Variants in PROSER2 observed in about 807,000 individuals in gnomAD.
PROSER2 encodes proline and serine rich 2.
PROSER2 carries 18 observed loss-of-function variants against 14.6 expected under a neutral mutation model. The observed-to-expected ratio is 1.23, with a 90% CI of 0.85 to 1.83. The LOEUF is 1.83. PROSER2 is among the 40% of genes most tolerant of loss of function. PROSER2 has a pLI of 0.00. For synonymous variants in PROSER2, 367 were observed against 286.4 expected (o/e 1.28, Z -2.84); for missense variants, 823 against 629.8 (o/e 1.31, Z -3.28).
intron 1 of PROSER2, among the ~76,000 whole-genome samples, chr10:11,848,796 C>G (rs1445513129): frequency 3.9e-5 from 6 of 152,220 alleles, no homozygotes. Flanking sequence ...TGCGCACTTG[C>G]CATTTTTCAA....
At chr10:11,849,255 T>TCCTGGACTC (rs1160387254) in intron 1 of PROSER2, among the ~76,000 whole-genome samples, 1 of 152,186 alleles carries the variant, frequency 6.6e-6, no homozygotes, top group African/African-American at 2.4e-5. Context: ...TGGTGGGCCC[T>TCCTGGACTC]CCTGGACTCC....
intron 1 of PROSER2, chr10:11,849,807 T>TG (rs1833985259): frequency 6.6e-6 from 1 of 152,342 alleles, no homozygotes; most frequent in Non-Finnish European, 1.5e-5. Context: ...GCTCATGTGT[T>TG]GGACACTTAA....
chr10:11,872,016 A>G lies in PROSER2; in HGVS notation c.*1610A>G, dbSNP rs560550811. 2 of 152,342 alleles carry G rather than the reference A, an allele frequency of 1.3e-5. No homozygotes were observed. Among genetic ancestry groups the G allele is most frequent in the Admixed American group, 1.3e-4 (2 of 15,306 alleles). 9.4% of individuals were successfully genotyped at this position (152,342 alleles called of 1,614,324 possible). A position where few individuals can be genotyped will look rare whatever the true frequency, so the allele number is the denominator to read the frequency against. On this transcript the variant is annotated 3_prime_UTR_variant, in exon 4 of 4. Coordinates refer to ENST00000277570, the MANE Select transcript of PROSER2 (RefSeq NM_153256.4). ...ACAGCTTTCAAAAGTAGTTACTGTA[A>G]ATTTTACTCCTGTTAATGCTGGATT...
At chr10:11,851,378 A>T (rs577495091) in intron 1 of PROSER2, 1 of 152,226 alleles carries the variant, frequency 6.6e-6, no homozygotes, top group African/African-American at 2.4e-5. Context: ...TTGCAATAGC[A>T]TGAGGCTTCC....
rs1333841226 is a variant in PROSER2 at position 11,870,056 on chromosome 10, C to T, written c.958C>T (p.Arg320Trp). 6 of 1,241,714 alleles carry T rather than the reference C, an allele frequency of 4.8e-6. No individual in the cohort carries two copies. The highest frequency in any genetic ancestry group is 1.6e-5 in the African/African-American group (1 of 63,106). 76.9% of individuals were successfully genotyped at this position (1,241,714 alleles called of 1,614,324 possible). Residue 320 changes from arginine to tryptophan, a missense_variant, in exon 4 of 4, where the codon CGG (arginine) becomes TGG (tryptophan). Arg to Trp is a moderately radical substitution (Grantham distance 101). Transcript: ENST00000277570. Reference protein sequence around the residue: ...GSSPERVARGRGLPGPAESLR... With the variant: ...GSSPERVARGWGLPGPAESLR... The stretch of plus-strand genomic sequence containing the variant: ...CTCCCCGGAGCGGGTGGCGCGTGGC[C>T]GGGGCCTGCCGGGCCCCGCTGAGAG...
Position 11,866,296 on chromosome 10 carries a change from C to T in PROSER2, c.139-235C>T, listed in dbSNP as rs568390047. ...CATTGACTTGCTAGGAACCCCAAGG[C>T]GAGGGCCCGTTATAACAGCTTTGAG... On this transcript the variant is annotated intron_variant, in intron 2 of 3. Transcript: ENST00000277570. This position sits in a 1 kb window ranked among gnomAD's most constrained non-coding sequence, Gnocchi z 6.0. Among the ~76,000 whole-genome samples the T allele has an allele frequency of 3.3e-5, 5 of 152,278 alleles. No homozygotes were observed. The highest frequency in any genetic ancestry group is 1.9e-4 in the East Asian group (1 of 5,182).
chr10:11,855,440 C>G (rs1834106599), intron 2 of PROSER2, among the ~76,000 whole-genome samples: 1 of 144,932 alleles, frequency 6.9e-6, no homozygotes, highest in Non-Finnish European at 1.5e-5. Flanking sequence ...CGCCACTGCA[C>G]TCCATCCTGG....
chr10:11,846,760 G>A (rs543571930), intron 1 of PROSER2, among the ~76,000 whole-genome samples: 2 of 152,274 alleles, frequency 1.3e-5, no homozygotes, highest in South Asian at 4.2e-4. Flanking sequence ...GGTTTTGTTT[G>A]TTTGTTTGTT....
In PROSER2 at chr10:11,856,935, A is replaced by G. The variant is rs1026858894; in HGVS notation, c.138+4720A>G. ...TGAGGGAGGAGCCGCCCCATCAGCC[A>G]TAACCCCGCCCTTTCATGCTGCCTT... On this transcript the variant is annotated intron_variant, in intron 2 of 3. Coordinates refer to ENST00000277570, the MANE Select transcript of PROSER2 (RefSeq NM_153256.4). The surrounding 1 kb of genome is among the most constrained non-coding windows in gnomAD (Gnocchi z 5.3). Among the ~76,000 whole-genome samples the G allele has an allele frequency of 2.0e-5, 3 of 152,222 alleles. No individual in the cohort carries two copies. Among genetic ancestry groups the G allele is most frequent in the African/African-American group, 7.2e-5 (3 of 41,458 alleles).
chr10:11,831,208 A>C (rs1452823536), intron 1 of PROSER2, among the ~76,000 whole-genome samples: 1 of 152,176 alleles, frequency 6.6e-6, no homozygotes, highest in African/African-American at 2.4e-5. Context: ...AAATTCAGCC[A>C]AGAATTTTGA....
intron 1 of PROSER2, among the ~76,000 whole-genome samples, chr10:11,843,219 T>C (rs1236834219): frequency 6.8e-5 from 10 of 146,864 alleles, no homozygotes; most frequent in Admixed American, 1.4e-4. Flanking sequence ...GGATTACAGG[T>C]GCGAGCCACC....
At chr10:11,839,607 A>G (rs1833807956) in intron 1 of PROSER2, among the ~76,000 whole-genome samples, 1 of 152,108 alleles carries the variant, frequency 6.6e-6, no homozygotes, top group Admixed American at 6.5e-5. Flanking sequence ...TGGGCAGATC[A>G]TAAGGTCAGG....
intron 1 of PROSER2, among the ~76,000 whole-genome samples, chr10:11,835,631 A>G (rs1833749952): frequency 6.6e-6 from 1 of 152,212 alleles, no homozygotes; most frequent in Non-Finnish European, 1.5e-5. Flanking sequence ...ATTTCTTATT[A>G]TAAAACTCAT....
At chr10:11,835,570 A>C (rs1203426842) in intron 1 of PROSER2, among the ~76,000 whole-genome samples, 2 of 152,220 alleles carry the variant, frequency 1.3e-5, no homozygotes, top group Non-Finnish European at 2.9e-5. Flanking sequence ...AATTGAGTTT[A>C]AAAAACTCTA....
intron 1 of PROSER2, chr10:11,831,964 G>A (rs967665317): frequency 6.6e-6 from 1 of 151,856 alleles, no homozygotes; most frequent in African/African-American, 2.4e-5. Context: ...AATCAACCTC[G>A]TTTTTGTATA....
At chr10:11,834,211 T>C (rs1833727146) in intron 1 of PROSER2, among the ~76,000 whole-genome samples, 1 of 150,902 alleles carries the variant, frequency 6.6e-6, no homozygotes, top group Admixed American at 6.6e-5. Flanking sequence ...GCCAGAATGA[T>C]CTCGATCTTT....
At chr10:11,847,420 T>C (rs1411964150) in intron 1 of PROSER2, among the ~76,000 whole-genome samples, 1 of 152,022 alleles carries the variant, frequency 6.6e-6, no homozygotes, top group Non-Finnish European at 1.5e-5. Context: ...TTTTGTTTTG[T>C]TGTTGTTGTT....
Position 11,869,752 on chromosome 10 carries a change from G to A in PROSER2, c.654G>A (p.Arg218=), listed in dbSNP as rs778294970. The change falls in exon 4 of 4, where the codon AGG becomes AGA. Residue 218 remains arginine (R), a synonymous_variant. Coordinates refer to ENST00000277570, the MANE Select transcript of PROSER2 (RefSeq NM_153256.4). This position sits in a 1 kb window ranked among gnomAD's most constrained non-coding sequence, Gnocchi z 4.4. ...CCCTCTCGCCCACCTCCCCGTTCAG[G>A]GAGGGCCGGCCCGGGGAGTGGAGGA... ...NEALSPTSPF[R]EGRPGEWRTP... is the part of the protein sequence containing the mutation. 6 of 1,580,414 alleles carry A rather than the reference G, an allele frequency of 3.8e-6. No homozygotes were observed. The South Asian group carries it at 4.6e-5, about 12-fold the overall frequency.
chr10:11,866,169 T>C lies in PROSER2; in HGVS notation c.139-362T>C, dbSNP rs533474696. Among the ~76,000 whole-genome samples, 1 of 152,330 alleles carries C rather than the reference T, an allele frequency of 6.6e-6. No homozygotes were observed. The highest frequency in any genetic ancestry group is 2.1e-4 in the South Asian group (1 of 4,830). ...ATAAATATGTGAGTTCAATCCACCA[T>C]CTTTAAGCAGAGGTTTCCCGTGATT... On this transcript the variant is annotated intron_variant, in intron 2 of 3. Coordinates refer to ENST00000277570, the MANE Select transcript of PROSER2 (RefSeq NM_153256.4). This position sits in a 1 kb window ranked among gnomAD's most constrained non-coding sequence, Gnocchi z 6.0.
Sources: gnomAD v4.1 joint callset for allele counts (sites outside exome capture counted in the v4.1 genomes callset) on GRCh38, gnomAD v4.1.1 for gene constraint, Gnocchi (gnomAD v3.1) non-coding constraint, MANE v1.5 for transcripts, NCBI Gene and HGNC (gene_info 2026-07-23, HGNC 2026-07-21) for gene names.